The following CPEB2 variants were observed in gnomAD, a reference collection of about 807,000 sequenced individuals.
CPEB2 encodes cytoplasmic polyadenylation element binding protein 2.
In CPEB2, 56 loss-of-function variants were observed where a neutral mutation model predicts 93.6. The observed-to-expected ratio is 0.60, with a 90% confidence interval of 0.48 to 0.75. The LOEUF is 0.75. Among genes scored for constraint, CPEB2 ranks in the 30% least tolerant of loss-of-function variants. The pLI is 0.00. For synonymous variants in CPEB2, 764 were observed against 586.3 expected, an observed-to-expected ratio of 1.30 and a Z score of -4.38; for missense variants, 1,579 against 1,395.1, an observed-to-expected ratio of 1.13 and a Z score of -2.10.
intron 7 of CPEB2, among the ~76,000 whole-genome samples, chr4:15,052,830 A>G (rs954861373): frequency 6.6e-6 from 1 of 152,114 alleles, no homozygotes; most frequent in African/African-American, 2.4e-5. Flanking sequence ...TGTAAATAAG[A>G]TTTTCATGAC....
intron 11 of CPEB2, 140 bp from the exon 12 acceptor site, chr4:15,066,013 A>AATTT: frequency 1.4e-6 from 1 of 690,794 alleles, no homozygotes; most frequent in Admixed American, 2.8e-5. Flanking sequence ...CTACATTGTA[A>AATTT]AGCTCCTTCC....
At chr4:15,004,995 C>T (rs1378012259) in intron 1 of CPEB2, 2 of 152,128 alleles carry the variant, frequency 1.3e-5, no homozygotes, top group Non-Finnish European at 2.9e-5. Flanking sequence ...AGCCTCAGCC[C>T]CTCGGGCGGT....
Position 15,003,437 on chromosome 4 carries a change from C to G in CPEB2, c.764C>G (p.Pro255Arg), listed in dbSNP as rs969379155. The change falls in exon 1 of 12, where the codon CCG (proline) becomes CGG (arginine). Residue 255 changes from proline to arginine, a missense_variant. This residue lies in a region of CPEB2 where 1,411 missense variants were observed against 1,056.0 expected (regional missense o/e 1.34). Coordinates refer to ENST00000538197, the MANE Select transcript of CPEB2 (RefSeq NM_001177382.2). ...CAGGACTTCGCCCCGCGGCAGCGTC[C>G]GGCAGACCTGCCCCCGCTCCCGCAG... ...SPQDFAPRQR[P>R]ADLPPLPQLP... 7.4e-7 allele frequency: 1 copy of G among 1,358,118 alleles called. No homozygotes were observed. The highest frequency in any genetic ancestry group is 9.4e-7 in the Non-Finnish European group (1 of 1,065,936). The allele number at this position is 1,358,118 out of a possible 1,614,324, so 84.1% of individuals were successfully genotyped here.
intron 5 of CPEB2, among the ~76,000 whole-genome samples, chr4:15,033,456 A>G (rs1306385938): frequency 1.3e-5 from 2 of 152,212 alleles, no homozygotes; most frequent in Non-Finnish European, 2.9e-5. Context: ...CCTGGTTTGA[A>G]TATTGCCTTT....
intron 3 of CPEB2, among the ~76,000 whole-genome samples, chr4:15,015,676 C>T (rs891831787): frequency 2.6e-5 from 4 of 151,952 alleles, no homozygotes; most frequent in Non-Finnish European, 5.9e-5. Flanking sequence ...CTGATGAAAG[C>T]TATAAACCTT....
chr4:15,068,906 CTT>C lies in CPEB2; in HGVS notation c.*2529_*2530del. ...TTCCTTTCCCACCTCACCCCTACCT[CTT>C]TTGTTTTGTTTTGTTTTTGCCCTTT... On this transcript the variant is annotated 3_prime_UTR_variant, in exon 12 of 12. Transcript: ENST00000538197. The C allele has an allele frequency of 6.6e-6, 1 of 151,678 alleles. No homozygotes were observed. The highest frequency in any genetic ancestry group is 2.1e-4 in the South Asian group (1 of 4,812). 9.4% of individuals were successfully genotyped at this position (151,678 alleles called of 1,614,324 possible). A position where few individuals can be genotyped will look rare whatever the true frequency, so the allele number is the denominator to read the frequency against.
chr4:15,008,486 T>G, intron 3 of CPEB2, 59 bp downstream of exon 3: 8 of 1,104,346 alleles, frequency 7.2e-6, no homozygotes, highest in Non-Finnish European at 1.1e-5. Context: ...ATTTATATTA[T>G]GAGTAGGATT....
In CPEB2 at chr4:15,052,470, C is replaced by T; in HGVS notation, c.2257C>T (p.Gln753Ter). Residue 753 changes from glutamine (Q) to a stop codon, truncating the protein, a stop_gained, in exon 7 of 12, where the codon CAA becomes TAA. Coordinates refer to ENST00000538197, the MANE Select transcript of CPEB2 (RefSeq NM_001177382.2). LOFTEE classifies it high-confidence loss of function. The stretch of plus-strand genomic sequence containing the variant: ...CTTGCTTGATGATGGTCACAGTGAT[C>T]AAGTTGGAGTTTTAAATTCACCCAC... ...DGLLDDGHSD[Q>*]VGVLNSPTCY... is the part of the protein sequence containing the mutation. The T allele has an allele frequency of 6.3e-7, 1 of 1,593,418 alleles. No individual in the cohort carries two copies. The highest frequency in any genetic ancestry group is 1.1e-5 in the South Asian group (1 of 88,584).
At chr4:15,027,994 T>G (rs1395200444) in intron 4 of CPEB2, among the ~76,000 whole-genome samples, 1 of 152,190 alleles carries the variant, frequency 6.6e-6, no homozygotes, top group Non-Finnish European at 1.5e-5. Context: ...TGCACCATAG[T>G]GTCTCCCTTT....
chr4:15,017,251 A>G lies in CPEB2; in HGVS notation c.2098A>G (p.Met700Val). The G allele has an allele frequency of 6.3e-7, 1 of 1,597,672 alleles. No individual in the cohort carries two copies. Among genetic ancestry groups the G allele is most frequent in the Non-Finnish European group, 8.6e-7 (1 of 1,167,398 alleles). The change falls in exon 4 of 12, where the codon ATG becomes GTG. Residue 700 changes from methionine (M) to valine (V), a missense_variant. Around this residue, in one of 2 missense-constraint regions of CPEB2, gnomAD observed 1,411 missense variants for 1,056.0 expected, o/e 1.34. Coordinates refer to ENST00000538197, the MANE Select transcript of CPEB2 (RefSeq NM_001177382.2). Reference sequence around the variant, plus strand: ...TTTGGAAAATTCCCTTATCGATATTATGAGAGCAGAGCATGATCCTCTTAA... The same window carrying G: ...TTTGGAAAATTCCCTTATCGATATTGTGAGAGCAGAGCATGATCCTCTTAA... ...HSLENSLIDI[M>V]RAEHDPLKGR...
intron 6 of CPEB2, among the ~76,000 whole-genome samples, chr4:15,047,664 T>C (rs182231388): frequency 2.6e-5 from 4 of 152,218 alleles, no homozygotes; most frequent in Admixed American, 2.6e-4. Context: ...ACATGTACAA[T>C]TATGTCTATA....
chr4:15,013,942 C>G (rs989758231), intron 3 of CPEB2, among the ~76,000 whole-genome samples: 2 of 152,022 alleles, frequency 1.3e-5, no homozygotes, highest in African/African-American at 4.8e-5. Flanking sequence ...TACAGACATT[C>G]AAGCTGAAGT....
chr4:15,030,918 C>T (rs1726023275), intron 4 of CPEB2, among the ~76,000 whole-genome samples: 1 of 152,014 alleles, frequency 6.6e-6, no homozygotes, highest in African/African-American at 2.4e-5. Flanking sequence ...AATAAATGAA[C>T]AGGAACCTAT....
intron 8 of CPEB2, among the ~76,000 whole-genome samples, chr4:15,057,580 C>G (rs1224950149): frequency 2.0e-5 from 3 of 152,162 alleles, no homozygotes; most frequent in Admixed American, 1.3e-4. Flanking sequence ...TGGGAATAAT[C>G]ACATAATAGT....
intron 1 of CPEB2, among the ~76,000 whole-genome samples, chr4:15,005,924 A>T (rs1219418539): frequency 6.6e-6 from 1 of 152,226 alleles, no homozygotes; most frequent in African/African-American, 2.4e-5. Context: ...AATTATCTGT[A>T]GGTAATTTTG....
rs2109125853 is a variant in CPEB2, at chr4:15,068,749, A to C, written c.*2369A>C. On this transcript the variant is annotated 3_prime_UTR_variant, in exon 12 of 12. Transcript: ENST00000538197. ...GTTGAAAATCATTTTCCCTTCTTAAACAGAAATAAATATTTGGAATGAAGG... is the reference window on the plus strand; with the variant it reads ...GTTGAAAATCATTTTCCCTTCTTAACCAGAAATAAATATTTGGAATGAAGG... The C allele has an allele frequency of 6.6e-6, 1 of 152,286 alleles. No homozygotes were observed. The highest frequency in any genetic ancestry group is 1.9e-4 in the East Asian group (1 of 5,174). The allele number at this position is 152,286 out of a possible 1,614,324, so 9.4% of individuals were successfully genotyped here.
rs766802154 is a variant in CPEB2 at position 15,003,209 on chromosome 4, G to A, written c.536G>A (p.Arg179Lys). Residue 179 changes from arginine to lysine, a missense_variant, in exon 1 of 12, where the codon AGG becomes AAG. Arg to Lys is a conservative substitution (Grantham distance 26). Around this residue, in one of 2 missense-constraint regions of CPEB2, gnomAD observed 1,411 missense variants for 1,056.0 expected, o/e 1.34. Coordinates refer to ENST00000538197, the MANE Select transcript of CPEB2 (RefSeq NM_001177382.2). ...RQQQQLSSQK[R>K]KEFSPPHLPH... The stretch of plus-strand genomic sequence containing the variant: ...CAGCAGCAGCTGAGCAGCCAGAAGA[G>A]GAAAGAGTTCAGCCCTCCCCACCTT... The A allele has an allele frequency of 2.0e-6, 3 of 1,533,714 alleles. No homozygotes were observed. The South Asian group carries it at 3.6e-5, about 18-fold the overall frequency.
chr4:15,003,454 C>A lies in CPEB2; in HGVS notation c.781C>A (p.Leu261Ile). 1 of 1,365,378 alleles carries A rather than the reference C, an allele frequency of 7.3e-7. No individual in the cohort carries two copies. Among genetic ancestry groups the A allele is most frequent in the South Asian group, 1.8e-5 (1 of 56,322 alleles). 84.6% of individuals were successfully genotyped at this position (1,365,378 alleles called of 1,614,324 possible). The change falls in exon 1 of 12, where the codon CTC becomes ATC. Residue 261 changes from leucine to isoleucine, a missense_variant. Leu to Ile is a conservative substitution (Grantham distance 5). Around this residue, in one of 2 missense-constraint regions of CPEB2, gnomAD observed 1,411 missense variants for 1,056.0 expected, o/e 1.34. Transcript: ENST00000538197. ...GCAGCGTCCGGCAGACCTGCCCCCG[C>A]TCCCGCAGCTCCCTCCCTCGCCGCC... Reference protein sequence around the residue: ...PRQRPADLPPLPQLPPSPPAA... With the variant: ...PRQRPADLPPIPQLPPSPPAA...
intron 4 of CPEB2, among the ~76,000 whole-genome samples, chr4:15,028,521 A>T (rs938592285): frequency 6.6e-6 from 1 of 152,088 alleles, no homozygotes; most frequent in Non-Finnish European, 1.5e-5. Context: ...AGTAAGAGAG[A>T]CTAAGTTACT....
Sources: allele counts gnomAD v4.1 joint callset (sites outside exome capture counted in the v4.1 genomes callset), GRCh38; gene constraint gnomAD v4.1.1; regional missense constraint gnomAD v4.1.1; transcripts MANE v1.5; gene names NCBI Gene and HGNC (gene_info 2026-07-23, HGNC 2026-07-21).